Variants in SLC13A3 observed in about 807,000 individuals in gnomAD.
The protein encoded by SLC13A3 is Na(+)/dicarboxylate cotransporter 3.
A neutral mutation model predicts 59.0 loss-of-function variants in SLC13A3; 40 were observed. The observed-to-expected ratio is 0.68, with a 90% CI of 0.53 to 0.88. The LOEUF is 0.88. Among genes scored for constraint, SLC13A3 ranks in the 40% least tolerant of loss-of-function variants. The pLI is 0.00. For synonymous variants in SLC13A3, 317 were observed against 330.3 expected (o/e 0.96, Z 0.44); for missense variants, 699 against 783.2 (o/e 0.89, Z 1.28).
At chr20:46,620,508 G>T (rs958189817) in intron 1 of SLC13A3, among the ~76,000 whole-genome samples, 4 of 152,178 alleles carry the variant, frequency 2.6e-5, no homozygotes, top group Non-Finnish European at 5.9e-5. Context: ...AATTGATGAT[G>T]AAGTTTGGAT....
At chr20:46,598,992 G>A (rs1424924906) in intron 4 of SLC13A3, among the ~76,000 whole-genome samples, 5 of 152,156 alleles carry the variant, frequency 3.3e-5, no homozygotes, top group Admixed American at 1.3e-4. Flanking sequence ...GCTCAAGGAC[G>A]ATCTTCTTGT....
In SLC13A3 at chr20:46,558,880, T is replaced by C. The variant is rs1032171479; in HGVS notation, c.*1142A>G. The C allele has an allele frequency of 6.6e-6, 1 of 151,852 alleles. No homozygotes were observed. The highest frequency in any genetic ancestry group is 2.4e-5 in the African/African-American group (1 of 41,318). The allele number at this position is 151,852 out of a possible 1,614,324, so 9.4% of individuals were successfully genotyped here. On this transcript the variant is annotated 3_prime_UTR_variant, in exon 13 of 13. Transcript: ENST00000279027. ...CTTCCTGAGGGCCTGAGCTCTTCAC[T>C]GGGATGCCAGAATGCTTCTGCTTGG...
At chr20:46,664,615 A>G (rs895791747) in intron 1 of SLC13A3, among the ~76,000 whole-genome samples, 4 of 152,218 alleles carry the variant, frequency 2.6e-5, no homozygotes, top group African/African-American at 7.2e-5. Flanking sequence ...TAATAAATAA[A>G]TGAGTAAAAT....
chr20:46,636,598 C>G (rs952943295), intron 1 of SLC13A3, among the ~76,000 whole-genome samples: 2 of 152,176 alleles, frequency 1.3e-5, no homozygotes, highest in Admixed American at 1.3e-4. Context: ...GCACCTGGTT[C>G]CCCTGGCTCC....
At chr20:46,614,453 G>T (rs775748547) in intron 1 of SLC13A3, among the ~76,000 whole-genome samples, 3 of 152,314 alleles carry the variant, frequency 2.0e-5, no homozygotes, top group East Asian at 3.9e-4. Context: ...AAATACTCCC[G>T]CAGTCCATCT....
chr20:46,682,949 C>CT (rs2063160450), intron 1 of SLC13A3, among the ~76,000 whole-genome samples: 1 of 152,180 alleles, frequency 6.6e-6, no homozygotes, highest in Non-Finnish European at 1.5e-5. Context: ...AAGGAATCCA[C>CT]TGTTCACCTA....
At chr20:46,582,680 T>C (rs781055394) in intron 9 of SLC13A3, 136 of 985,070 alleles carry the variant, frequency 1.4e-4, no homozygotes, top group Non-Finnish European at 1.6e-4. Flanking sequence ...ACACATACAC[T>C]ATACTCCCCA....
chr20:46,575,760 A>T (rs1600506224), intron 9 of SLC13A3, 75 bp from the exon 10 acceptor site: 2 of 848,232 alleles, frequency 2.4e-6, no homozygotes, highest in East Asian at 6.1e-5. Context: ...CCTGAGCCCC[A>T]TCTTACCGGG....
chr20:46,574,462 G>A (rs777049088), intron 10 of SLC13A3, among the ~76,000 whole-genome samples: 5 of 152,276 alleles, frequency 3.3e-5, no homozygotes, highest in Admixed American at 6.5e-5. Context: ...TGGGCTGGCT[G>A]ACCCGCACTT....
At chr20:46,636,794 C>T (rs1052849141) in intron 1 of SLC13A3, among the ~76,000 whole-genome samples, 1 of 136,944 alleles carries the variant, frequency 7.3e-6, no homozygotes, top group Non-Finnish European at 1.5e-5. Context: ...CCACCCTTGA[C>T]ATTTTTTTTT....
chr20:46,620,566 A>G (rs2062604102), intron 1 of SLC13A3, among the ~76,000 whole-genome samples: 1 of 152,220 alleles, frequency 6.6e-6, no homozygotes, highest in South Asian at 2.1e-4. Flanking sequence ...TTATGGGGAC[A>G]ATGCTACAAA....
chr20:46,598,397 G>C (rs183961230), intron 4 of SLC13A3, among the ~76,000 whole-genome samples: 1 of 152,232 alleles, frequency 6.6e-6, no homozygotes, highest in Admixed American at 6.5e-5. Context: ...AAGCAGAAAG[G>C]GCCCTAGAGT....
intron 9 of SLC13A3, among the ~76,000 whole-genome samples, chr20:46,580,175 T>C (rs1407562259): frequency 2.0e-5 from 3 of 152,110 alleles, no homozygotes; most frequent in African/African-American, 7.2e-5. Context: ...AGGCTGCTCT[T>C]AGACTCGTGA....
chr20:46,583,333 C>G, intron 9 of SLC13A3: 1 of 1,125,844 alleles, frequency 8.9e-7, no homozygotes, highest in Non-Finnish European at 1.1e-6. Context: ...AGCTCACAGG[C>G]TGTTCAAAAA....
intron 1 of SLC13A3, among the ~76,000 whole-genome samples, chr20:46,618,820 C>A (rs964250225): frequency 6.6e-6 from 1 of 152,204 alleles, no homozygotes; most frequent in Non-Finnish European, 1.5e-5. Flanking sequence ...CCCATCATTC[C>A]TGTTCACACC....
At chr20:46,572,057 G>A (rs189196096) in intron 10 of SLC13A3, among the ~76,000 whole-genome samples, 3 of 152,220 alleles carry the variant, frequency 2.0e-5, no homozygotes, top group East Asian at 3.9e-4. Flanking sequence ...ATGACTATAC[G>A]GTTTTGTGGC....
intron 6 of SLC13A3, among the ~76,000 whole-genome samples, chr20:46,591,009 A>C (rs922229500): frequency 2.7e-5 from 4 of 150,270 alleles, no homozygotes; most frequent in African/African-American, 9.8e-5. Context: ...AAAAAAAAAA[A>C]GGCACAAAAA....
At chr20:46,600,324 A>AAAGGAAGG (rs143437944) in intron 3 of SLC13A3, among the ~76,000 whole-genome samples, 29 of 83,858 alleles carry the variant, frequency 3.5e-4, no homozygotes, top group East Asian at 8.9e-4. Context: ...GGAAGGAAGG[A>AAAGGAAGG]AAGGAAGGAA....
In SLC13A3 at chr20:46,651,374, C is replaced by A; in HGVS notation, c.48G>T (p.Arg16=). The change falls in exon 1 of 13, where the codon CGG becomes CGT. Residue 16 remains arginine, a synonymous_variant. Transcript: ENST00000279027. ...AAAKKVWSAR[R]LLVLLFTPLA... ...GCGGCGTGAACAGCAGCACCAGCAG[C>A]CGCCGCGCGCTCCACACCTTCTTGG... 3 of 1,509,968 alleles carry A rather than the reference C, an allele frequency of 2.0e-6. No individual in the cohort carries two copies. The highest frequency in any genetic ancestry group is 2.6e-6 in the Non-Finnish European group (3 of 1,132,992). The allele number at this position is 1,509,968 out of a possible 1,614,324, so 93.5% of individuals were successfully genotyped here.
Sources: gnomAD v4.1 joint callset for allele counts (sites outside exome capture counted in the v4.1 genomes callset) on GRCh38, gnomAD v4.1.1 for gene constraint, MANE v1.5 for transcripts, NCBI Gene and HGNC (gene_info 2026-07-23, HGNC 2026-07-21) for gene names.